FBRSL1: variants seen among roughly 807,000 people sequenced by gnomAD.
FBRSL1 encodes the protein fibrosin like 1.
Under a neutral mutation model 89.6 loss-of-function variants are expected in FBRSL1, and 51 were observed. That is an observed-to-expected ratio of 0.57 (90% CI 0.45 to 0.72). The LOEUF is 0.72. Among genes scored for constraint, FBRSL1 ranks in the 30% least tolerant of loss-of-function variants. The pLI is 0.00. For missense variants in FBRSL1, 1,618 were observed against 1,451.8 expected (o/e 1.11, Z -1.86); for synonymous variants, 779 against 681.1 (o/e 1.14, Z -2.24).
At chr12:132,505,820 C>T (rs975241951) in intron 1 of FBRSL1, among the ~76,000 whole-genome samples, 4 of 152,238 alleles carry the variant, frequency 2.6e-5, no homozygotes, top group East Asian at 1.9e-4. Flanking sequence ...AGGGGCCAGC[C>T]GCACGGCTCT....
chr12:132,545,954 G>A (rs1332752633), intron 4 of FBRSL1, among the ~76,000 whole-genome samples: 3 of 152,194 alleles, frequency 2.0e-5, no homozygotes, highest in Non-Finnish European at 2.9e-5. Context: ...ATGCTGGTGG[G>A]GCTGCCTCCT....
At chr12:132,573,898 C>T (rs1306249202) in intron 11 of FBRSL1, among the ~76,000 whole-genome samples, 192 bp from the exon 12 acceptor site, 1 of 152,202 alleles carries the variant, frequency 6.6e-6, no homozygotes, top group Non-Finnish European at 1.5e-5. Context: ...CTGCTTCCCA[C>T]CTTTGCAGAA....
intron 5 of FBRSL1, chr12:132,565,544 CGA>C (rs1491173333): frequency 2.0e-5 from 3 of 152,188 alleles, no homozygotes; most frequent in Non-Finnish European, 4.4e-5. Flanking sequence ...TACACGTACC[CGA>C]GTGTGCCCAT....
intron 1 of FBRSL1, among the ~76,000 whole-genome samples, chr12:132,493,904 GC>G (rs759169725): frequency 6.6e-6 from 1 of 152,206 alleles, no homozygotes; most frequent in African/African-American, 2.4e-5. Context: ...CCAGGGTCTG[GC>G]CTGGCTCAGG....
At chr12:132,519,918 AG>A (rs2035195661) in intron 2 of FBRSL1, among the ~76,000 whole-genome samples, 1 of 150,904 alleles carries the variant, frequency 6.6e-6, no homozygotes, top group Non-Finnish European at 1.5e-5. Context: ...AAAAAAAAAA[AG>A]TGGCTACTCT....
chr12:132,536,715 T>C (rs752768366), intron 4 of FBRSL1, among the ~76,000 whole-genome samples: 3 of 151,926 alleles, frequency 2.0e-5, no homozygotes, highest in Non-Finnish European at 4.4e-5. Flanking sequence ...CATGACAGTG[T>C]GTGTGAGTAT....
intron 5 of FBRSL1, among the ~76,000 whole-genome samples, chr12:132,561,323 C>T (rs1364507712): frequency 6.6e-6 from 1 of 152,230 alleles, no homozygotes; most frequent in Non-Finnish European, 1.5e-5. Context: ...TCCTTGCAGC[C>T]CTCTTGGCTT....
In FBRSL1 at chr12:132,525,195, G is replaced by A. The variant is rs1429802891; in HGVS notation, c.490-539G>A. The stretch of plus-strand genomic sequence containing the variant: ...GTCAGGCAGGTCCCACCACCACCTC[G>A]CTGCTTGCTCTGGCATGGAGCCGAC... On this transcript the variant is annotated intron_variant, in intron 2 of 18. Transcript: ENST00000680143. Among the ~76,000 whole-genome samples the A allele has an allele frequency of 5.9e-5, 9 of 152,366 alleles. No individual in the cohort carries two copies. The South Asian group carries it at 6.2e-4, about 11-fold the overall frequency.
Position 132,581,472 on chromosome 12 carries a change from C to G in FBRSL1, c.1868C>G (p.Pro623Arg). The G allele has an allele frequency of 6.4e-7, 1 of 1,551,138 alleles. No individual in the cohort carries two copies. The highest frequency in any genetic ancestry group is 8.7e-7 in the Non-Finnish European group (1 of 1,146,942). ...AAHPASNPFG[P>R]SAHPGSFLPT... is the part of the protein sequence containing the mutation. ...CATCCTGCCTCCAACCCATTTGGAC[C>G]CTCAGCCCATCCTGGCAGCTTCCTG... is the stretch of plus-strand genomic sequence containing the variant. The change falls in exon 16 of 19, where the codon CCC (proline) becomes CGC (arginine). Residue 623 changes from proline (P) to arginine (R), a missense_variant. Pro to Arg is a moderately radical substitution (Grantham distance 103, BLOSUM62 -2). Transcript: ENST00000680143.
intron 4 of FBRSL1, among the ~76,000 whole-genome samples, chr12:132,541,057 C>G (rs2037219155): frequency 1.3e-5 from 2 of 151,990 alleles, no homozygotes; most frequent in East Asian, 3.9e-4. Context: ...ACACCCCTAC[C>G]CCGAGGCACG....
chr12:132,490,794 G>C lies in FBRSL1; in HGVS notation c.224G>C (p.Ser75Thr). 1.5e-6 allele frequency: 2 copies of C among 1,312,620 alleles called. No individual in the cohort carries two copies. Among genetic ancestry groups the C allele is most frequent in the Non-Finnish European group, 1.9e-6 (2 of 1,028,714 alleles). The allele number at this position is 1,312,620 out of a possible 1,614,324, so 81.3% of individuals were successfully genotyped here. A position where few individuals can be genotyped will look rare whatever the true frequency, so the allele number is the denominator to read the frequency against. ...CCGCGCCGCCGCCGCCGCGAGTCCAGCTCGCAGGAGGAGGAGGTCATCGAC... is the reference window on the plus strand; with the variant it reads ...CCGCGCCGCCGCCGCCGCGAGTCCACCTCGCAGGAGGAGGAGGTCATCGAC... ...RPPRRRRRESSSQEEEVIDGF... is the reference protein window; with the variant it reads ...RPPRRRRRESTSQEEEVIDGF... Residue 75 changes from serine (S) to threonine (T), a missense_variant, in exon 1 of 19, where the codon AGC becomes ACC. Transcript: ENST00000680143.
Position 132,534,269 on chromosome 12 carries a change from G to A in FBRSL1, c.615+6281G>A, listed in dbSNP as rs139390614. ...GGGCTGCGGGAGGGTGGGACGCCAC[G>A]TGCGTTGTCGGGCCCCAGGTGAAGG... is the stretch of plus-strand genomic sequence containing the variant. On this transcript the variant is annotated intron_variant, in intron 4 of 18. Transcript: ENST00000680143. 2.7e-3 allele frequency among the ~76,000 whole-genome samples: 412 copies of A among 152,362 alleles called. 1 individual carries two copies. Among genetic ancestry groups the A allele is most frequent in the African/African-American group, 9.5e-3 (396 of 41,586 alleles).
intron 6 of FBRSL1, among the ~76,000 whole-genome samples, chr12:132,567,827 G>A (rs576778571): frequency 3.1e-4 from 47 of 152,294 alleles, no homozygotes; most frequent in Middle Eastern, 3.4e-3. Flanking sequence ...CAGATGCTCG[G>A]TACTGAAGGG....
chr12:132,557,807 G>A (rs972053925), intron 5 of FBRSL1, among the ~76,000 whole-genome samples: 7 of 152,194 alleles, frequency 4.6e-5, no homozygotes, highest in Admixed American at 3.3e-4. Flanking sequence ...ACAGCTTGGC[G>A]GGACCGAGGC....
At position 132,550,068 on chromosome 12, in the gene FBRSL1, G is replaced by A. The variant is rs535031017; in HGVS notation, c.645+2036G>A. 2.6e-5 allele frequency among the ~76,000 whole-genome samples: 4 copies of A among 152,014 alleles called. No homozygotes were observed. The South Asian group carries it at 6.2e-4, about 24-fold the overall frequency. ...GGCGAGTTTGGCATTCCTGCACACGGAGGGTCCCGGCAGGGAGAGTTTGGC... is the reference window on the plus strand; with the variant it reads ...GGCGAGTTTGGCATTCCTGCACACGAAGGGTCCCGGCAGGGAGAGTTTGGC... On this transcript the variant is annotated intron_variant, in intron 5 of 18. Transcript: ENST00000680143.
intron 1 of FBRSL1, among the ~76,000 whole-genome samples, chr12:132,492,531 G>A (rs770328009): frequency 6.6e-6 from 1 of 152,204 alleles, no homozygotes; most frequent in African/African-American, 2.4e-5. Flanking sequence ...CCCCAGATGC[G>A]TGTGTCAGGA....
intron 2 of FBRSL1, chr12:132,509,957 G>A (rs2034142960): frequency 2.4e-6 from 3 of 1,230,814 alleles, no homozygotes; most frequent in African/African-American, 1.6e-5. Flanking sequence ...GAAGGTCCCT[G>A]CTGGGCCAGC....
chr12:132,559,857 G>T (rs527957600), intron 5 of FBRSL1, among the ~76,000 whole-genome samples: 6 of 151,696 alleles, frequency 4.0e-5, no homozygotes, highest in African/African-American at 1.4e-4. Flanking sequence ...CAGCGCGTTC[G>T]GACCCCGGGC....
chr12:132,492,257 G>A (rs893317662), intron 1 of FBRSL1, among the ~76,000 whole-genome samples: 7 of 152,322 alleles, frequency 4.6e-5, no homozygotes, highest in South Asian at 2.1e-4. Context: ...GTACCCTGCC[G>A]TTCTCTGTCT....
Sources: gnomAD v4.1 joint callset for allele counts (sites outside exome capture counted in the v4.1 genomes callset) on GRCh38, gnomAD v4.1.1 for gene constraint, MANE v1.5 for transcripts, NCBI Gene and HGNC (gene_info 2026-07-23, HGNC 2026-07-21) for gene names.